Variants in TEX11 observed in about 807,000 individuals in gnomAD.
TEX11 encodes the protein testis expressed 11.
In TEX11, 7 loss-of-function variants were observed where a neutral mutation model predicts 84.4. The observed-to-expected ratio is 0.08, with a 90% confidence interval of 0.05 to 0.16. The LOEUF (loss-of-function observed/expected upper bound fraction) is 0.16, where lower values mean the gene tolerates loss of function less well. TEX11 is among the 10% of genes least tolerant of loss of function. The pLI is 1.00. For missense variants in TEX11, 551 were observed against 660.5 expected, an observed-to-expected ratio of 0.83 and a Z score of 1.82; for synonymous variants, 264 against 222.8, an observed-to-expected ratio of 1.18 and a Z score of -1.64.
chrX:70,530,903 G>C (rs1268473799), intron 28 of TEX11, among the ~76,000 whole-genome samples: 5 of 111,762 alleles, frequency 4.5e-5, no homozygotes, highest in Admixed American at 1.9e-4. Context: ...ATGTGATTAA[G>C]AGACACAAAC....
intron 13 of TEX11, among the ~76,000 whole-genome samples, chrX:70,702,747 C>T (rs1766937160): frequency 8.9e-6 from 1 of 111,740 alleles, no homozygotes; most frequent in Admixed American, 9.5e-5. Flanking sequence ...TGTCGTCCAT[C>T]TCTATAATTT....
At chrX:70,639,462 G>A (rs1294939435) in intron 17 of TEX11, among the ~76,000 whole-genome samples, 1 of 112,270 alleles carries the variant, frequency 8.9e-6, no homozygotes, top group East Asian at 2.8e-4. Flanking sequence ...CACCTCTGGG[G>A]GCAGGGCACA....
chrX:70,582,109 A>C (rs746148703), intron 25 of TEX11, among the ~76,000 whole-genome samples: 1 of 111,931 alleles, frequency 8.9e-6, no homozygotes, highest in African/African-American at 3.2e-5. Flanking sequence ...GTTGATGTCA[A>C]TTTTAATAAA....
In TEX11 at chrX:70,845,042, A is replaced by T. The variant is rs761167460; in HGVS notation, c.525+7992T>A. On this transcript the variant is annotated intron_variant, in intron 7 of 29. Coordinates refer to ENST00000374333, the MANE Select transcript of TEX11 (RefSeq NM_031276.3). ...AGCTCAAACTTTTTCACTGGCAAAAAATACTGTCAATTGTTTTCCCAGAAG... is the reference window on the plus strand; with the variant it reads ...AGCTCAAACTTTTTCACTGGCAAAATATACTGTCAATTGTTTTCCCAGAAG... Among the ~76,000 whole-genome samples, 9 of 112,328 alleles carry T rather than the reference A, an allele frequency of 8.0e-5. No homozygotes were observed. The East Asian group carries it at 1.4e-3, about 17-fold the overall frequency.
rs147618934 is a variant in TEX11, at chrX:70,717,423, A to G, written c.1004+5195T>C. 5.5e-3 allele frequency among the ~76,000 whole-genome samples: 600 copies of G among 109,791 alleles called. 2 individuals are homozygous for G. Among genetic ancestry groups the G allele is most frequent in the African/African-American group, 0.018 (551 of 30,147 alleles). ...AACCTCCGTCTCCTGGGTTCAAGCA[A>G]TTCTCATGCCTCAGCCTCCTGAGTA... On this transcript the variant is annotated intron_variant, in intron 13 of 29. Coordinates refer to ENST00000374333, the MANE Select transcript of TEX11 (RefSeq NM_031276.3).
chrX:70,808,107 CAAAAAAAAAAAAAAAAAAAAAAAA>C (rs549201546), intron 8 of TEX11, among the ~76,000 whole-genome samples: 3 of 32,614 alleles, frequency 9.2e-5, no homozygotes, highest in South Asian at 6.2e-3. Context: ...GACTCTGTCT[CAAAAAAAAAAAAAAAAAAAAAAAA>C]AAAAAAAAAA....
intron 9 of TEX11, among the ~76,000 whole-genome samples, chrX:70,787,312 A>G (rs190596890): frequency 8.9e-6 from 1 of 111,751 alleles, no homozygotes; most frequent in Non-Finnish European, 1.9e-5. Context: ...CTAGAACAAG[A>G]CAAGGAATCC....
chrX:70,772,405 T>G, intron 9 of TEX11, among the ~76,000 whole-genome samples: 1 of 110,208 alleles, frequency 9.1e-6, no homozygotes, highest in Middle Eastern at 4.7e-3. Flanking sequence ...GGAGGCCCCA[T>G]CTATACAAAA....
chrX:70,829,165 AAAAC>A (rs2091362421), intron 8 of TEX11, among the ~76,000 whole-genome samples: 2 of 111,986 alleles, frequency 1.8e-5, no homozygotes, highest in African/African-American at 6.5e-5. Context: ...CTGAAGGTAC[AAAAC>A]TCATGGGTAA....
chrX:70,804,461 A>C (rs1167327853), intron 9 of TEX11, among the ~76,000 whole-genome samples: 2 of 111,883 alleles, frequency 1.8e-5, no homozygotes, highest in African/African-American at 6.5e-5. Context: ...ACATTTGTGA[A>C]TATTTCACCA....
intron 7 of TEX11, among the ~76,000 whole-genome samples, chrX:70,839,076 C>A (rs1196406913): frequency 8.9e-6 from 1 of 112,644 alleles, no homozygotes; most frequent in Non-Finnish European, 1.9e-5. Context: ...AGGGCACAGA[C>A]AAACAAAAAG....
At chrX:70,714,085 T>C (rs755403899) in intron 13 of TEX11, among the ~76,000 whole-genome samples, 6,370 of 111,395 alleles carry the variant, frequency 0.057, 147 homozygotes, top group East Asian at 0.12. Flanking sequence ...GTTCAGTTTC[T>C]GTGTAGTTGA....
At chrX:70,627,382 A>G (rs977109098) in intron 18 of TEX11, among the ~76,000 whole-genome samples, 2 of 112,212 alleles carry the variant, frequency 1.8e-5, no homozygotes, top group African/African-American at 6.5e-5. Flanking sequence ...AGTGAGTGAG[A>G]AAAAGGCAAG....
Position 70,848,038 on chromosome X carries a change from C to T in TEX11, c.525+4996G>A, listed in dbSNP as rs138375977. 3.9e-4 allele frequency among the ~76,000 whole-genome samples: 43 copies of T among 111,434 alleles called. No homozygotes were observed. In the East Asian group the frequency reaches 0.011, roughly 29 times the overall value. On this transcript the variant is annotated intron_variant, in intron 7 of 29. Transcript: ENST00000374333. ...CCCTTCTTTCCCATTCTCATTGGTA[C>T]TACTATAGTACAGGCTTTCACCAGT...
intron 25 of TEX11, among the ~76,000 whole-genome samples, chrX:70,578,029 A>G (rs760679927): frequency 8.9e-6 from 1 of 111,758 alleles, no homozygotes; most frequent in South Asian, 3.8e-4. Context: ...CACCCAGCCA[A>G]GGTTATATCT....
At chrX:70,535,887 A>G (rs756250749) in intron 28 of TEX11, among the ~76,000 whole-genome samples, 12 of 110,225 alleles carry the variant, frequency 1.1e-4, no homozygotes, top group African/African-American at 4.0e-4. Flanking sequence ...GATTACATGC[A>G]TGAGCCACTC....
chrX:70,552,378 C>T, intron 27 of TEX11, 132 bp from the exon 28 acceptor site: 1 of 804,147 alleles, frequency 1.2e-6, no homozygotes, highest in Non-Finnish European at 1.7e-6. Flanking sequence ...TCGGTTTTAT[C>T]TGGCCTCCAA....
At chrX:70,736,207 A>G (rs1208420388) in intron 11 of TEX11, among the ~76,000 whole-genome samples, 1 of 110,960 alleles carries the variant, frequency 9.0e-6, no homozygotes, top group Admixed American at 9.6e-5. Context: ...TATTTATTTC[A>G]TTGCACTAAT....
chrX:70,571,818 A>ATG (rs1424781836), intron 25 of TEX11, among the ~76,000 whole-genome samples: 2 of 111,734 alleles, frequency 1.8e-5, no homozygotes, highest in Admixed American at 9.6e-5. Flanking sequence ...TGTGATATAT[A>ATG]TATATAATCA....
Sources: allele counts gnomAD v4.1 joint callset (sites outside exome capture counted in the v4.1 genomes callset), GRCh38; gene constraint gnomAD v4.1.1; transcripts MANE v1.5; gene names NCBI Gene and HGNC (gene_info 2026-07-23, HGNC 2026-07-21).